The following GATAD1 variants were observed in gnomAD, a reference collection of about 807,000 sequenced individuals.
GATAD1 encodes the protein GATA zinc finger domain-containing protein 1.
In GATAD1, 12 loss-of-function variants were observed where a neutral mutation model predicts 26.5. The observed-to-expected ratio is 0.45, with a 90% confidence interval of 0.29 to 0.73. GATAD1 has a LOEUF of 0.73. Among genes scored for constraint, GATAD1 ranks in the 30% least tolerant of loss-of-function variants. The probability of loss-of-function intolerance (pLI) is 0.10; values close to 1 mark genes in which losing one functional copy is unlikely to be tolerated. For missense variants in GATAD1, 266 were observed against 342.1 expected (o/e 0.78, Z 1.75); for synonymous variants, 129 against 133.1 (o/e 0.97, Z 0.21).
chr7:92,449,155 AT>A, intron 2 of GATAD1: 4 of 1,102,666 alleles, frequency 3.6e-6, no homozygotes, highest in African/African-American at 1.6e-5. Flanking sequence ...CCTTGAGCCC[AT>A]TTTTTGGGGT....
At chr7:92,487,236 G>T in the GATAD1 span, 1 of 311,558 alleles carries the variant, frequency 3.2e-6, no homozygotes, top group Non-Finnish European at 5.8e-6. Context: ...TAGATTTTAG[G>T]AAATAAAATA....
In GATAD1 at chr7:92,456,613, T is replaced by A; in HGVS notation, c.*51T>A. 1 of 1,145,204 alleles carries A rather than the reference T, an allele frequency of 8.7e-7. No individual in the cohort carries two copies. Among genetic ancestry groups the A allele is most frequent in the Non-Finnish European group, 1.3e-6 (1 of 779,482 alleles). The allele number at this position is 1,145,204 out of a possible 1,614,324, so 70.9% of individuals were successfully genotyped here. A position where few individuals can be genotyped will look rare whatever the true frequency, so the allele number is the denominator to read the frequency against. ...GGCCTGGTGTGGTGGCTCACGCCTG[T>A]AGCCCCAGCTATTGCACCACTGCTC... On this transcript the variant is annotated 3_prime_UTR_variant, in exon 5 of 5. Coordinates refer to ENST00000287957, the MANE Select transcript of GATAD1 (RefSeq NM_021167.5).
intron 4 of GATAD1, among the ~76,000 whole-genome samples, chr7:92,455,492 T>G (rs1789631798): frequency 6.6e-6 from 1 of 152,212 alleles, no homozygotes; most frequent in East Asian, 1.9e-4. Flanking sequence ...GGCTGATAGT[T>G]GAAATGGCAG....
intron 1 of GATAD1, 25 bp from the exon 2 acceptor site, chr7:92,448,723 TTTTG>T: frequency 1.3e-6 from 2 of 1,595,510 alleles, no homozygotes; most frequent in South Asian, 1.1e-5. Context: ...TTCTTTCTCT[TTTTG>T]TTCTTTAATT....
At chr7:92,494,636 A>G in the GATAD1 span, 29 of 1,613,554 alleles carry the variant, frequency 1.8e-5, no homozygotes, top group South Asian at 3.1e-4. Context: ...TGCTCTGGGA[A>G]AAACAAACAA....
the GATAD1 span, among the ~76,000 whole-genome samples, chr7:92,480,223 T>C: frequency 1.3e-5 from 2 of 152,144 alleles, no homozygotes; most frequent in Non-Finnish European, 2.9e-5. Flanking sequence ...CAAGGAATTA[T>C]GTCTGACAGA....
At chr7:92,468,167 T>C in the GATAD1 span, among the ~76,000 whole-genome samples, 3 of 152,208 alleles carry the variant, frequency 2.0e-5, no homozygotes, top group South Asian at 2.1e-4. Context: ...TCAATTAGGA[T>C]GAACCCAGGC....
the GATAD1 span, chr7:92,493,269 A>G: frequency 1.9e-6 from 1 of 522,282 alleles, no homozygotes; most frequent in Non-Finnish European, 3.3e-6. Context: ...ATGTACCAAC[A>G]GCCTACTATT....
chr7:92,482,896 A>ATTTC, the GATAD1 span, among the ~76,000 whole-genome samples: 2 of 152,162 alleles, frequency 1.3e-5, no homozygotes, highest in African/African-American at 4.8e-5. Flanking sequence ...TATGGGGGAA[A>ATTTC]GGGAAACAGG....
At chr7:92,460,376 G>A (rs146490598), downstream of GATAD1, among the ~76,000 whole-genome samples, 413 of 152,172 alleles carry the variant, frequency 2.7e-3, no homozygotes, top group African/African-American at 9.7e-3. Flanking sequence ...TGGTAGGAGG[G>A]TATACCTCCT....
chr7:92,468,188 G>A, the GATAD1 span, among the ~76,000 whole-genome samples: 1 of 152,210 alleles, frequency 6.6e-6, no homozygotes, highest in African/African-American at 2.4e-5. Context: ...ACTTAGCCAT[G>A]CAGGAACAAT....
At chr7:92,487,799 T>C in the GATAD1 span, among the ~76,000 whole-genome samples, 1 of 152,202 alleles carries the variant, frequency 6.6e-6, no homozygotes, top group African/African-American at 2.4e-5. Context: ...TGAAAAATTA[T>C]AACTTCTACA....
chr7:92,460,388 C>T (rs1789875631), downstream of GATAD1, among the ~76,000 whole-genome samples: 1 of 152,098 alleles, frequency 6.6e-6, no homozygotes, highest in East Asian at 1.9e-4. Context: ...ATACCTCCTA[C>T]ACCCAAGAAA....
At chr7:92,469,774 G>A in the GATAD1 span, 3 of 764,542 alleles carry the variant, frequency 3.9e-6, no homozygotes, top group Admixed American at 5.1e-5. Context: ...CCATTGTTCA[G>A]GTACAGGGAT....
downstream of GATAD1, among the ~76,000 whole-genome samples, chr7:92,462,640 T>C (rs1367132483): frequency 1.3e-5 from 2 of 152,172 alleles, no homozygotes; most frequent in African/African-American, 4.8e-5. Flanking sequence ...CCCAAGTTCA[T>C]ATGTTAAAGC....
At chr7:92,489,430 T>TA in the GATAD1 span, 40 of 1,611,112 alleles carry the variant, frequency 2.5e-5, no homozygotes, top group South Asian at 4.4e-5. Flanking sequence ...CCTCCTTAAG[T>TA]AAAAAAAGAA....
the GATAD1 span, chr7:92,486,926 G>C: frequency 0.077 from 11,716 of 152,570 alleles, 480 homozygotes; most frequent in Non-Finnish European, 0.087. Context: ...TAGTATAGTA[G>C]AGGGATGTGA....
chr7:92,478,161 G>A, the GATAD1 span, among the ~76,000 whole-genome samples: 24 of 152,232 alleles, frequency 1.6e-4, no homozygotes, highest in East Asian at 9.6e-4. Flanking sequence ...ATTCTTAGTC[G>A]GCCTAGGAAA....
intron 3 of GATAD1, 46 bp from the exon 4 acceptor site, chr7:92,454,456 G>A (rs1251518501): frequency 2.1e-6 from 3 of 1,419,294 alleles, no homozygotes; most frequent in Non-Finnish European, 3.0e-6. Context: ...TAGCTGTGAT[G>A]TTCTATTTTT....
Sources: allele counts gnomAD v4.1 joint callset (sites outside exome capture counted in the v4.1 genomes callset), GRCh38; gene constraint gnomAD v4.1.1; transcripts MANE v1.5; gene names NCBI Gene and HGNC (gene_info 2026-07-23, HGNC 2026-07-21).